RSPO3: variants seen among roughly 807,000 people sequenced by gnomAD.
RSPO3 encodes R-spondin 3.
Under a neutral mutation model 36.5 loss-of-function variants are expected in RSPO3, and 17 were observed. The observed-to-expected ratio is 0.47, with a 90% CI of 0.32 to 0.70. The LOEUF is 0.70. RSPO3 is among the 30% of genes least tolerant of loss of function. The probability of loss-of-function intolerance (pLI) is 0.04; values close to 1 mark genes in which losing one functional copy is unlikely to be tolerated. For synonymous variants in RSPO3, 108 were observed against 107.0 expected (o/e 1.01, Z -0.06); for missense variants, 294 against 322.5 (o/e 0.91, Z 0.68).
chr6:127,131,430 A>C (rs938439906), intron 1 of RSPO3, among the ~76,000 whole-genome samples: 2 of 152,088 alleles, frequency 1.3e-5, no homozygotes, highest in Non-Finnish European at 2.9e-5. Context: ...AGAAACCTTC[A>C]TGTAATAGTT....
In RSPO3 at chr6:127,136,740, A is replaced by G. The variant is rs553239439; in HGVS notation, c.98-11908A>G. On this transcript the variant is annotated intron_variant, in intron 1 of 4. Coordinates refer to ENST00000356698, the MANE Select transcript of RSPO3 (RefSeq NM_032784.5). ...GGGGATAGTTGTTTTGTTTTTCTAC[A>G]GTTCTATGACTTTTCCCACACTACC... Among the ~76,000 whole-genome samples, 176 of 152,294 alleles carry G rather than the reference A, an allele frequency of 1.2e-3. 1 individual carries two copies. The highest frequency in any genetic ancestry group is 6.8e-3 in the Middle Eastern group (2 of 294).
At chr6:127,162,876 A>G (rs1774738837) in intron 4 of RSPO3, among the ~76,000 whole-genome samples, 1 of 152,162 alleles carries the variant, frequency 6.6e-6, no homozygotes, top group Admixed American at 6.6e-5. Flanking sequence ...CTCTGCTTAC[A>G]TTTCATTTTG....
intron 3 of RSPO3, 144 bp from the exon 4 acceptor site, chr6:127,155,097 T>C: frequency 2.7e-6 from 2 of 747,084 alleles, no homozygotes; most frequent in East Asian, 4.9e-5. Context: ...TCCTGTTTTA[T>C]ATTTAAGTCA....
intron 3 of RSPO3, among the ~76,000 whole-genome samples, chr6:127,153,809 CT>C (rs1386226902): frequency 6.6e-6 from 1 of 151,858 alleles, no homozygotes; most frequent in African/African-American, 2.4e-5. Flanking sequence ...TTGGAGGTGC[CT>C]TTTTTTGTAA....
chr6:127,166,413 T>G (rs1454987131), intron 4 of RSPO3, among the ~76,000 whole-genome samples: 1 of 152,042 alleles, frequency 6.6e-6, no homozygotes, highest in Non-Finnish European at 1.5e-5. Flanking sequence ...ATCTTAGAAT[T>G]TAGAGCACAG....
intron 1 of RSPO3, among the ~76,000 whole-genome samples, chr6:127,126,158 T>C (rs1773935729): frequency 6.6e-6 from 1 of 151,920 alleles, no homozygotes; most frequent in Non-Finnish European, 1.5e-5. Context: ...GAGAAGCAGG[T>C]CTTGTTGGAA....
chr6:127,192,854 G>GA (rs1375189096), intron 4 of RSPO3: 5 of 234,772 alleles, frequency 2.1e-5, no homozygotes, highest in Non-Finnish European at 3.5e-5. Context: ...AAAAAAGCCT[G>GA]AAAAAAATAT....
chr6:127,179,445 T>G (rs2114629688), intron 4 of RSPO3, among the ~76,000 whole-genome samples: 1 of 152,046 alleles, frequency 6.6e-6, no homozygotes, highest in South Asian at 2.1e-4. Context: ...GCTAATATTC[T>G]GTGTAGACAA....
chr6:127,192,085 A>G (rs1017805448), intron 4 of RSPO3, among the ~76,000 whole-genome samples: 7 of 152,104 alleles, frequency 4.6e-5, no homozygotes, highest in Admixed American at 6.6e-5. Flanking sequence ...TCATTACATC[A>G]GGGGAATTAT....
Position 127,195,812 on chromosome 6 carries a change from T to C in RSPO3, c.635-11T>C, listed in dbSNP as rs1156251754. 6.7e-7 allele frequency: 1 copy of C among 1,488,078 alleles called. No individual in the cohort carries two copies. The highest frequency in any genetic ancestry group is 9.0e-7 in the Non-Finnish European group (1 of 1,114,126). The allele number at this position is 1,488,078 out of a possible 1,614,324, so 92.2% of individuals were successfully genotyped here. A position where few individuals can be genotyped will look rare whatever the true frequency, so the allele number is the denominator to read the frequency against. On this transcript the variant is annotated splice_polypyrimidine_tract_variant and intron_variant, in intron 4 of 4. Coordinates refer to ENST00000356698, the MANE Select transcript of RSPO3 (RefSeq NM_032784.5). ...GAATGTAATTTTTAAAAGAGTATCCTTTCATTTCAGGAAAAAAAGGAAGGG... is the reference window on the plus strand; with the variant it reads ...GAATGTAATTTTTAAAAGAGTATCCCTTCATTTCAGGAAAAAAAGGAAGGG...
At chr6:127,167,988 A>G (rs945851431) in intron 4 of RSPO3, among the ~76,000 whole-genome samples, 1 of 151,964 alleles carries the variant, frequency 6.6e-6, no homozygotes, top group Non-Finnish European at 1.5e-5. Context: ...TATGTGCCAC[A>G]TTTTCTTAAT....
chr6:127,150,725 G>T (rs1279914832), intron 3 of RSPO3, among the ~76,000 whole-genome samples, 153 bp downstream of exon 3: 2 of 149,538 alleles, frequency 1.3e-5, no homozygotes, highest in African/African-American at 2.5e-5. Context: ...CTCTCTTAAA[G>T]GTGTTTTTCA....
At chr6:127,129,454 A>G (rs1207785060) in intron 1 of RSPO3, among the ~76,000 whole-genome samples, 2 of 152,010 alleles carry the variant, frequency 1.3e-5, no homozygotes, top group African/African-American at 4.8e-5. Context: ...ATGAGTCACT[A>G]GGCCAAATCC....
intron 4 of RSPO3, among the ~76,000 whole-genome samples, chr6:127,160,991 C>CT (rs925527357): frequency 2.4e-4 from 36 of 149,076 alleles, no homozygotes; most frequent in Admixed American, 4.7e-4. Flanking sequence ...ACCCTTATTC[C>CT]TTTTTTTTTT....
chr6:127,185,948 TTCTGTTTCTGTCTCAAAAGAACAAAATTC>T, intron 4 of RSPO3, among the ~76,000 whole-genome samples: 1 of 152,256 alleles, frequency 6.6e-6, no homozygotes, highest in African/African-American at 2.4e-5. Context: ...TCAACACTTC[TTCTGTTTCTGTCTCAAAAGAACAAAATTC>T]TAAGACAAGC....
intron 1 of RSPO3, among the ~76,000 whole-genome samples, chr6:127,138,860 G>T (rs1345523823): frequency 6.6e-6 from 1 of 152,082 alleles, no homozygotes; most frequent in East Asian, 1.9e-4. Flanking sequence ...AATAAATATT[G>T]GTAACTCAGC....
intron 4 of RSPO3, among the ~76,000 whole-genome samples, chr6:127,189,968 CTATTT>C (rs1775374890): frequency 6.6e-6 from 1 of 152,052 alleles, no homozygotes; most frequent in Non-Finnish European, 1.5e-5. Flanking sequence ...AAGAAGTTTT[CTATTT>C]TATTAAAACA....
intron 1 of RSPO3, among the ~76,000 whole-genome samples, chr6:127,131,106 A>G (rs902669311): frequency 6.6e-6 from 1 of 152,036 alleles, no homozygotes; most frequent in Non-Finnish European, 1.5e-5. Context: ...TTTAACACAG[A>G]TCAGTGGGAT....
intron 4 of RSPO3, among the ~76,000 whole-genome samples, chr6:127,172,506 T>G (rs1409491737): frequency 4.0e-5 from 6 of 151,572 alleles, no homozygotes; most frequent in South Asian, 2.1e-4. Flanking sequence ...AAATGAGACC[T>G]CCAGTTACTG....
Sources: allele counts gnomAD v4.1 joint callset (sites outside exome capture counted in the v4.1 genomes callset), GRCh38; gene constraint gnomAD v4.1.1; transcripts MANE v1.5; gene names NCBI Gene and HGNC (gene_info 2026-07-23, HGNC 2026-07-21).